FRMD4A: variants seen among roughly 807,000 people sequenced by gnomAD.
The protein encoded by FRMD4A is FERM domain containing 4A.
FRMD4A carries 29 observed loss-of-function variants against 129.1 expected under a neutral mutation model. The observed-to-expected ratio is 0.22, with a 90% CI of 0.17 to 0.31. The LOEUF (loss-of-function observed/expected upper bound fraction) is 0.31, where lower values mean the gene tolerates loss of function less well. Ranked by LOEUF, FRMD4A falls within the 10% of genes least tolerant of loss-of-function variation. FRMD4A has a pLI of 1.00. For synonymous variants in FRMD4A, 634 were observed against 571.6 expected (o/e 1.11, Z -1.56); for missense variants, 1,272 against 1,375.8 (o/e 0.92, Z 1.19).
At chr10:13,807,433 T>G (rs1335970394) in intron 4 of FRMD4A, among the ~76,000 whole-genome samples, 1 of 152,210 alleles carries the variant, frequency 6.6e-6, no homozygotes, top group Non-Finnish European at 1.5e-5. Flanking sequence ...TTTGTTGAAG[T>G]TGGGTGAAGG....
chr10:14,191,091 T>A (rs1842303593), intron 2 of FRMD4A, among the ~76,000 whole-genome samples: 2 of 152,190 alleles, frequency 1.3e-5, no homozygotes, highest in South Asian at 4.1e-4. Context: ...GTTTCTTGTC[T>A]TATATGTTAA....
At chr10:14,054,102 C>T (rs1834393241) in intron 2 of FRMD4A, among the ~76,000 whole-genome samples, 1 of 152,046 alleles carries the variant, frequency 6.6e-6, no homozygotes. Flanking sequence ...GAATTTGAGG[C>T]TGCAGTGAGC....
At chr10:14,165,357 C>T (rs1841117154) in intron 2 of FRMD4A, among the ~76,000 whole-genome samples, 2 of 152,238 alleles carry the variant, frequency 1.3e-5, no homozygotes, top group South Asian at 2.1e-4. Context: ...GAAGCCAAAA[C>T]ATAACAGATG....
chr10:13,954,311 G>A (rs2095394588), intron 2 of FRMD4A, among the ~76,000 whole-genome samples: 1 of 152,176 alleles, frequency 6.6e-6, no homozygotes. Flanking sequence ...GTTTCACATG[G>A]CTGGGGAGGC....
intron 2 of FRMD4A, among the ~76,000 whole-genome samples, chr10:14,019,845 G>T (rs11258803): frequency 0.015 from 2,246 of 152,232 alleles, 37 homozygotes; most frequent in East Asian, 0.084. Context: ...CTGATACTGG[G>T]TTATTTAATC....
chr10:14,302,627 T>C (rs1318096980), intron 2 of FRMD4A, among the ~76,000 whole-genome samples: 1 of 152,190 alleles, frequency 6.6e-6, no homozygotes, highest in Non-Finnish European at 1.5e-5. Flanking sequence ...ACATAGTAAT[T>C]TCACTAAAGA....
In FRMD4A at chr10:14,048,799, C is replaced by T. The variant is rs530180355; in HGVS notation, c.46-189887G>A. On this transcript the variant is annotated intron_variant, in intron 2 of 24. Transcript: ENST00000357447. ...CCAGCCTGGGTGACAGAGCGAGACTCTTGTCTCAAATAAAATAGAATAGAT... is the reference window on the plus strand; with the variant it reads ...CCAGCCTGGGTGACAGAGCGAGACTTTTGTCTCAAATAAAATAGAATAGAT... 2.0e-5 allele frequency among the ~76,000 whole-genome samples: 3 copies of T among 150,290 alleles called. No individual in the cohort carries two copies. In the East Asian group the frequency reaches 5.9e-4, roughly 30 times the overall value.
At chr10:14,285,121 A>C (rs1845642052) in intron 2 of FRMD4A, among the ~76,000 whole-genome samples, 1 of 152,250 alleles carries the variant, frequency 6.6e-6, no homozygotes. Flanking sequence ...ATGTGTAAGT[A>C]TTGCAAAGTC....
chr10:13,783,415 G>T (rs1452357843), intron 5 of FRMD4A, among the ~76,000 whole-genome samples: 1 of 151,648 alleles, frequency 6.6e-6, no homozygotes, highest in African/African-American at 2.4e-5. Flanking sequence ...TTTAGACAGG[G>T]TCTCGCTCTG....
chr10:13,786,010 C>A (rs1156863105), intron 5 of FRMD4A, among the ~76,000 whole-genome samples: 4 of 152,186 alleles, frequency 2.6e-5, no homozygotes, highest in Non-Finnish European at 5.9e-5. Flanking sequence ...TTTTCTTAAT[C>A]CAGTCTACCA....
intron 3 of FRMD4A, among the ~76,000 whole-genome samples, chr10:13,855,500 C>G (rs1416282426): frequency 6.6e-6 from 1 of 152,186 alleles, no homozygotes; most frequent in Non-Finnish European, 1.5e-5. Flanking sequence ...TTGCTCTAAA[C>G]CTGACTCTCC....
chr10:13,915,653 C>A, intron 2 of FRMD4A, among the ~76,000 whole-genome samples: 1 of 143,174 alleles, frequency 7.0e-6, no homozygotes, highest in East Asian at 2.1e-4. Flanking sequence ...GACTGGGCGA[C>A]AGAGTGACTC....
intron 2 of FRMD4A, among the ~76,000 whole-genome samples, chr10:13,918,518 A>AT (rs1176718031): frequency 6.6e-6 from 1 of 152,066 alleles, no homozygotes; most frequent in African/African-American, 2.4e-5. Flanking sequence ...TCTGTTACGA[A>AT]TATCAGTCAA....
intron 2 of FRMD4A, among the ~76,000 whole-genome samples, chr10:14,233,777 C>T (rs1033801435): frequency 2.6e-5 from 4 of 152,236 alleles, no homozygotes; most frequent in African/African-American, 9.6e-5. Context: ...GCGGCAGCTG[C>T]AATGAGGCTG....
At chr10:13,687,482 A>G (rs1441544155) in intron 15 of FRMD4A, among the ~76,000 whole-genome samples, 2 of 152,118 alleles carry the variant, frequency 1.3e-5, no homozygotes, top group Non-Finnish European at 2.9e-5. Flanking sequence ...CTCCCCTCCA[A>G]CATTTTCTGG....
intron 2 of FRMD4A, among the ~76,000 whole-genome samples, chr10:14,307,914 A>T (rs551482853): frequency 1.3e-5 from 2 of 152,194 alleles, no homozygotes; most frequent in African/African-American, 4.8e-5. Flanking sequence ...TCAATTTCTC[A>T]CTCTCTACCT....
At chr10:13,853,804 C>G (rs1156602203) in intron 3 of FRMD4A, among the ~76,000 whole-genome samples, 4 of 142,912 alleles carry the variant, frequency 2.8e-5, no homozygotes, top group Non-Finnish European at 6.0e-5. Flanking sequence ...TGCACTCTAG[C>G]CTGGGCGATA....
intron 2 of FRMD4A, among the ~76,000 whole-genome samples, chr10:14,110,363 A>T (rs1837834796): frequency 6.6e-6 from 1 of 152,154 alleles, no homozygotes; most frequent in African/African-American, 2.4e-5. Context: ...AAAGAAAAAA[A>T]ATTCCTTCTT....
At chr10:14,269,093 T>C (rs1011619240) in intron 2 of FRMD4A, among the ~76,000 whole-genome samples, 1 of 152,184 alleles carries the variant, frequency 6.6e-6, no homozygotes, top group Non-Finnish European at 1.5e-5. Flanking sequence ...TGATAATAGC[T>C]CTGGGATGCC....
Sources: gnomAD v4.1 joint callset for allele counts (sites outside exome capture counted in the v4.1 genomes callset) on GRCh38, gnomAD v4.1.1 for gene constraint, MANE v1.5 for transcripts, NCBI Gene and HGNC (gene_info 2026-07-23, HGNC 2026-07-21) for gene names.